SPAG16: variants seen among roughly 807,000 people sequenced by gnomAD.
The protein encoded by SPAG16 is sperm-associated antigen 16 protein.
Under a neutral mutation model 80.4 loss-of-function variants are expected in SPAG16, and 86 were observed. That is an observed-to-expected ratio of 1.07 (90% CI 0.90 to 1.28). The LOEUF (loss-of-function observed/expected upper bound fraction) is 1.28, where lower values mean the gene tolerates loss of function less well. Among genes scored for constraint, SPAG16 ranks in the 50% most tolerant of loss-of-function variants. SPAG16 has a pLI of 0.00. For missense variants in SPAG16, 870 were observed against 765.3 expected, an observed-to-expected ratio of 1.14 and a Z score of -1.61; for synonymous variants, 294 against 265.9, an observed-to-expected ratio of 1.11 and a Z score of -1.03.
chr2:214,264,675 T>C (rs1186284373), intron 15 of SPAG16, among the ~76,000 whole-genome samples: 1 of 152,154 alleles, frequency 6.6e-6, no homozygotes, highest in African/African-American at 2.4e-5. Context: ...GCTGTTGAAG[T>C]CCATGCATTT....
intron 13 of SPAG16, among the ~76,000 whole-genome samples, chr2:214,054,020 C>G (rs1015385499): frequency 2.0e-5 from 3 of 151,992 alleles, no homozygotes; most frequent in Admixed American, 2.0e-4. Flanking sequence ...AAAACGGAGT[C>G]TCCCTCTTGT....
chr2:214,031,628 G>GA (rs34664637), intron 13 of SPAG16, among the ~76,000 whole-genome samples: 128,484 of 140,486 alleles, frequency 0.91, 59,128 homozygotes, highest in Non-Finnish European at 0.97. Flanking sequence ...AAATAAACAT[G>GA]AAAAAAAAAA....
intron 13 of SPAG16, among the ~76,000 whole-genome samples, chr2:214,039,581 A>G (rs557265232): frequency 3.3e-5 from 5 of 152,336 alleles, no homozygotes; most frequent in African/African-American, 1.2e-4. Flanking sequence ...CAGAATCTGC[A>G]ATGAACTCCA....
intron 13 of SPAG16, among the ~76,000 whole-genome samples, chr2:214,021,290 ACG>A (rs2047853207): frequency 6.6e-6 from 1 of 152,192 alleles, no homozygotes; most frequent in Admixed American, 6.6e-5. Context: ...ATCTGTTTTC[ACG>A]CTGCTGATAA....
At chr2:213,589,962 G>A (rs2060627159) in intron 10 of SPAG16, among the ~76,000 whole-genome samples, 1 of 151,240 alleles carries the variant, frequency 6.6e-6, no homozygotes, top group Admixed American at 6.6e-5. Context: ...GGGACTCTGT[G>A]TGCTTTTCTG....
At chr2:213,549,078 T>C (rs2076705269) in intron 10 of SPAG16, among the ~76,000 whole-genome samples, 1 of 152,086 alleles carries the variant, frequency 6.6e-6, no homozygotes, top group Non-Finnish European at 1.5e-5. Flanking sequence ...TTGAATGCTT[T>C]TTCTTTCTAC....
chr2:213,442,080 G>A (rs1593201), intron 9 of SPAG16, among the ~76,000 whole-genome samples: 16,313 of 152,174 alleles, frequency 0.11, 1,309 homozygotes, highest in African/African-American at 0.22. Flanking sequence ...CCTGGGAGGC[G>A]GATGTTGCAG....
At chr2:213,869,172 G>A (rs1286882328) in intron 11 of SPAG16, among the ~76,000 whole-genome samples, 3 of 149,876 alleles carry the variant, frequency 2.0e-5, no homozygotes, top group African/African-American at 7.3e-5. Flanking sequence ...AGAATCACTT[G>A]AACCCGGGAG....
intron 10 of SPAG16, among the ~76,000 whole-genome samples, chr2:213,857,737 A>G (rs75609507): frequency 6.6e-6 from 1 of 152,210 alleles, no homozygotes; most frequent in Non-Finnish European, 1.5e-5. Flanking sequence ...TTTAAAAACT[A>G]TATTTTGTAA....
At chr2:214,004,190 C>T (rs922292221) in intron 12 of SPAG16, among the ~76,000 whole-genome samples, 1 of 152,134 alleles carries the variant, frequency 6.6e-6, no homozygotes, top group Non-Finnish European at 1.5e-5. Context: ...GTGGTAAGAT[C>T]AGGTGGTAAT....
intron 9 of SPAG16, among the ~76,000 whole-genome samples, chr2:213,476,431 G>A (rs2073393300): frequency 6.6e-6 from 1 of 152,166 alleles, no homozygotes; most frequent in South Asian, 2.1e-4. Flanking sequence ...ACCCGAGGGT[G>A]AAGGGGGATT....
intron 10 of SPAG16, among the ~76,000 whole-genome samples, chr2:213,577,944 G>A (rs564693182): frequency 6.6e-6 from 1 of 152,090 alleles, no homozygotes; most frequent in African/African-American, 2.4e-5. Flanking sequence ...CTCCTCTCAG[G>A]AGGAACTTCC....
intron 15 of SPAG16, among the ~76,000 whole-genome samples, chr2:214,247,009 A>G (rs531540374): frequency 6.6e-6 from 1 of 152,180 alleles, no homozygotes; most frequent in Non-Finnish European, 1.5e-5. Flanking sequence ...TTAAAAATAA[A>G]ATGTTTTTTA....
intron 15 of SPAG16, among the ~76,000 whole-genome samples, chr2:214,222,887 C>T (rs944852691): frequency 6.6e-6 from 1 of 152,104 alleles, no homozygotes; most frequent in Non-Finnish European, 1.5e-5. Context: ...TTTTTTAAAA[C>T]TCTACAGATA....
chr2:213,885,023 G>A (rs1389531009), intron 11 of SPAG16, among the ~76,000 whole-genome samples: 1 of 152,092 alleles, frequency 6.6e-6, no homozygotes, highest in African/African-American at 2.4e-5. Flanking sequence ...TTGCTGGGGA[G>A]GAACTGGTAG....
At chr2:214,385,347 G>T (rs541448821) in intron 15 of SPAG16, among the ~76,000 whole-genome samples, 13 of 152,158 alleles carry the variant, frequency 8.5e-5, no homozygotes, top group Non-Finnish European at 1.8e-4. Context: ...CCCAGCACAC[G>T]GTCAACATTA....
At chr2:213,336,945 A>G (rs1309368881) in intron 5 of SPAG16, among the ~76,000 whole-genome samples, 1 of 152,220 alleles carries the variant, frequency 6.6e-6, no homozygotes, top group African/African-American at 2.4e-5. Context: ...AGGAGTCCAC[A>G]GATAACTCAT....
chr2:213,789,240 T>G (rs1388164560), intron 10 of SPAG16, among the ~76,000 whole-genome samples: 2 of 151,930 alleles, frequency 1.3e-5, no homozygotes, highest in Non-Finnish European at 2.9e-5. Flanking sequence ...GCTATAGTAT[T>G]TCACTTTGGG....
At chr2:213,485,353 T>C (rs928034959) in intron 9 of SPAG16, among the ~76,000 whole-genome samples, 3 of 152,176 alleles carry the variant, frequency 2.0e-5, no homozygotes, top group African/African-American at 7.2e-5. Context: ...TTACTAATTT[T>C]ATAATTTGTC....
Sources: allele counts gnomAD v4.1 joint callset (sites outside exome capture counted in the v4.1 genomes callset), GRCh38; gene constraint gnomAD v4.1.1; transcripts MANE v1.5; gene names NCBI Gene and HGNC (gene_info 2026-07-23, HGNC 2026-07-21).